Variants in IPO11 observed in about 807,000 individuals in gnomAD.
IPO11 encodes the protein importin 11.
IPO11 carries 66 observed loss-of-function variants against 143.2 expected under a neutral mutation model. The observed-to-expected ratio is 0.46, with a 90% CI of 0.38 to 0.57. The LOEUF (loss-of-function observed/expected upper bound fraction) is 0.57, where lower values mean the gene tolerates loss of function less well. IPO11 is among the 20% of genes least tolerant of loss of function. The probability of loss-of-function intolerance (pLI) is 0.00; values close to 1 mark genes in which losing one functional copy is unlikely to be tolerated. For missense variants in IPO11, 1,026 were observed against 1,141.0 expected (o/e 0.90, Z 1.45); for synonymous variants, 385 against 377.8 (o/e 1.02, Z -0.22).
At chr5:62,415,716 C>T (rs1227201307) in intron 1 of IPO11, among the ~76,000 whole-genome samples, 1 of 152,058 alleles carries the variant, frequency 6.6e-6, no homozygotes, top group African/African-American at 2.4e-5. Context: ...GATCCCCCTG[C>T]CTCAGCCTCC....
chr5:62,479,639 G>T (rs181987676), intron 9 of IPO11, among the ~76,000 whole-genome samples: 1 of 152,286 alleles, frequency 6.6e-6, no homozygotes, highest in East Asian at 1.9e-4. Flanking sequence ...TCTAACTGGT[G>T]TGAGATGGTA....
chr5:62,513,060 C>T (rs1242786692), intron 19 of IPO11, among the ~76,000 whole-genome samples: 7 of 150,268 alleles, frequency 4.7e-5, no homozygotes, highest in African/African-American at 1.5e-4. Context: ...TCCAGAAAAC[C>T]GCCATCGTCA....
At chr5:62,524,801 G>A (rs1742315779) in intron 20 of IPO11, among the ~76,000 whole-genome samples, 1 of 152,030 alleles carries the variant, frequency 6.6e-6, no homozygotes, top group African/African-American at 2.4e-5. Context: ...CATCAAAAGG[G>A]GAATACATAT....
intron 20 of IPO11, among the ~76,000 whole-genome samples, chr5:62,520,276 T>C (rs551450222): frequency 1.3e-5 from 2 of 152,354 alleles, no homozygotes; most frequent in Admixed American, 1.3e-4. Flanking sequence ...CTTAGTACAC[T>C]TAGTTGTCTA....
Position 62,493,911 on chromosome 5 carries a change from T to A in IPO11, c.1464-87T>A, listed in dbSNP as rs981822921. 2.6e-5 allele frequency: 32 copies of A among 1,230,150 alleles called. 1 individual carries two copies. Among genetic ancestry groups the A allele is most frequent in the Non-Finnish European group, 3.3e-5 (30 of 902,630 alleles). The allele number at this position is 1,230,150 out of a possible 1,614,324, so 76.2% of individuals were successfully genotyped here. A position where few individuals can be genotyped will look rare whatever the true frequency, so the allele number is the denominator to read the frequency against. ...AAATGCAGATTGCATTCTTACTACA[T>A]TTTAGATTTAAATGATAAATTATAC... On this transcript the variant is annotated intron_variant, in intron 15 of 29. Transcript: ENST00000325324.
At chr5:62,541,321 A>C (rs910305863) in intron 24 of IPO11, among the ~76,000 whole-genome samples, 2 of 151,334 alleles carry the variant, frequency 1.3e-5, no homozygotes, top group Non-Finnish European at 2.9e-5. Context: ...TGGTGAGCCG[A>C]GATGACGCCA....
At chr5:62,518,945 T>TA (rs1742119529) in intron 20 of IPO11, among the ~76,000 whole-genome samples, 1 of 152,198 alleles carries the variant, frequency 6.6e-6, no homozygotes, top group South Asian at 2.1e-4. Context: ...GGTGACTGTC[T>TA]AGGGAAATAC....
At position 62,571,216 on chromosome 5, in the gene IPO11, T is replaced by A. The variant is rs118074736; in HGVS notation, c.2582+9959T>A. 2.3e-4 allele frequency among the ~76,000 whole-genome samples: 35 copies of A among 152,346 alleles called. No individual in the cohort carries two copies. In the East Asian group the frequency reaches 6.4e-3, roughly 28 times the overall value. ...ATTCTTTTCCTTGAGTTTCTGCTTT[T>A]ATTCTATCCAGAATACCAGAGAGAA... On this transcript the variant is annotated intron_variant, in intron 27 of 29. Transcript: ENST00000325324.
At position 62,501,576 on chromosome 5, in the gene IPO11, G is replaced by A. The variant is rs186216509; in HGVS notation, c.1591-3091G>A. ...TATTTTATCTCTGGTCCTTGATTCA[G>A]GAGGAGATGAATACATCAAAGATGC... On this transcript the variant is annotated intron_variant, in intron 16 of 29. Transcript: ENST00000325324. Among the ~76,000 whole-genome samples, 47 of 152,160 alleles carry A rather than the reference G, an allele frequency of 3.1e-4. No individual in the cohort carries two copies. In the East Asian group the frequency reaches 7.1e-3, roughly 23 times the overall value.
At chr5:62,457,944 C>T (rs573600327) in intron 5 of IPO11, among the ~76,000 whole-genome samples, 8 of 151,932 alleles carry the variant, frequency 5.3e-5, no homozygotes, top group Non-Finnish European at 8.8e-5. Flanking sequence ...GTCAGGAGAT[C>T]GAGACCATCC....
At chr5:62,521,501 T>C (rs1381203461) in intron 20 of IPO11, among the ~76,000 whole-genome samples, 1 of 152,198 alleles carries the variant, frequency 6.6e-6, no homozygotes, top group Non-Finnish European at 1.5e-5. Flanking sequence ...ACTTGTGTGA[T>C]CATCTCTGTG....
At chr5:62,435,050 G>GTA (rs1183563536) in intron 1 of IPO11, among the ~76,000 whole-genome samples, 5 of 101,204 alleles carry the variant, frequency 4.9e-5, no homozygotes, top group Admixed American at 9.9e-5. Flanking sequence ...ATGTATATGT[G>GTA]TATATATATA....
chr5:62,464,210 C>T (rs545116050), intron 5 of IPO11, among the ~76,000 whole-genome samples: 37 of 125,764 alleles, frequency 2.9e-4, no homozygotes, highest in African/African-American at 9.6e-4. Context: ...AGTGCAGTGG[C>T]GAGATCTCTG....
intron 3 of IPO11, among the ~76,000 whole-genome samples, chr5:62,443,832 G>A (rs1212851204): frequency 6.6e-6 from 1 of 152,086 alleles, no homozygotes; most frequent in Admixed American, 6.6e-5. Context: ...TATAATCAAT[G>A]CAAAATCATT....
At chr5:62,528,147 C>T (rs1010709601) in intron 21 of IPO11, among the ~76,000 whole-genome samples, 8 of 152,094 alleles carry the variant, frequency 5.3e-5, no homozygotes, top group African/African-American at 1.7e-4. Flanking sequence ...TTTGAGGACA[C>T]GAGGAGCCAT....
intron 3 of IPO11, among the ~76,000 whole-genome samples, chr5:62,447,436 C>T (rs1377771119): frequency 6.6e-6 from 1 of 152,104 alleles, no homozygotes; most frequent in Non-Finnish European, 1.5e-5. Flanking sequence ...AACCTGTGGT[C>T]ATGAAAATAC....
chr5:62,514,041 G>A (rs1245770470), intron 19 of IPO11, among the ~76,000 whole-genome samples: 3 of 151,412 alleles, frequency 2.0e-5, no homozygotes, highest in African/African-American at 7.3e-5. Flanking sequence ...GATGGGGGCC[G>A]GGACGAGGCG....
intron 5 of IPO11, among the ~76,000 whole-genome samples, chr5:62,462,872 A>T: frequency 6.7e-6 from 1 of 149,398 alleles, no homozygotes. Flanking sequence ...GGGGATAGTT[A>T]CTGTCACCAT....
chr5:62,444,641 C>T (rs1236940874), intron 3 of IPO11, among the ~76,000 whole-genome samples: 1 of 151,672 alleles, frequency 6.6e-6, no homozygotes, highest in Non-Finnish European at 1.5e-5. Flanking sequence ...TTTGGGAGGT[C>T]GAGGATCACC....
Sources: gnomAD v4.1 joint callset for allele counts (sites outside exome capture counted in the v4.1 genomes callset) on GRCh38, gnomAD v4.1.1 for gene constraint, MANE v1.5 for transcripts, NCBI Gene and HGNC (gene_info 2026-07-23, HGNC 2026-07-21) for gene names.